The following SAMD7 variants were observed in gnomAD, a reference collection of about 807,000 sequenced individuals.
SAMD7 encodes sterile alpha motif domain containing 7, also known as sterile alpha motif domain-containing protein 7.
Under a neutral mutation model 36.7 loss-of-function variants are expected in SAMD7, and 34 were observed. The observed-to-expected ratio is 0.93, with a 90% CI of 0.71 to 1.23. The LOEUF is 1.23. Ranked by LOEUF, SAMD7 falls within the 50% of genes most tolerant of loss-of-function variation. The probability of loss-of-function intolerance (pLI) is 0.00; values close to 1 mark genes in which losing one functional copy is unlikely to be tolerated. For missense variants in SAMD7, 570 were observed against 546.6 expected (o/e 1.04, Z -0.43); for synonymous variants, 188 against 189.7 (o/e 0.99, Z 0.07).
chr3:169,924,253 A>T (rs74286675), intron 4 of SAMD7, among the ~76,000 whole-genome samples: 15,651 of 151,946 alleles, frequency 0.1, 921 homozygotes, highest in Middle Eastern at 0.18. Flanking sequence ...TTATTGGTAG[A>T]AATTTAAAGC....
At chr3:169,926,370 A>C (rs1713255606) in intron 5 of SAMD7, 183 bp from the exon 6 acceptor site, 1 of 1,205,950 alleles carries the variant, frequency 8.3e-7, no homozygotes, top group African/African-American at 1.5e-5. Context: ...TGTGAGACTC[A>C]GACAAAGCTT....
intron 4 of SAMD7, among the ~76,000 whole-genome samples, 165 bp downstream of exon 4, chr3:169,921,503 A>G (rs1381290368): frequency 6.6e-6 from 1 of 152,240 alleles, no homozygotes; most frequent in Non-Finnish European, 1.5e-5. Flanking sequence ...TGGTGCTACC[A>G]CTGTGTGACC....
chr3:169,938,335 A>C lies in SAMD7; in HGVS notation c.1170A>C (p.Gly390=), dbSNP rs747943754. Residue 390 remains glycine, a synonymous_variant, in exon 9 of 9, where the codon GGA becomes GGC. Coordinates refer to ENST00000335556, the MANE Select transcript of SAMD7 (RefSeq NM_001304366.2). ...KIQSQVSQHV[G]SMFYKKTLSF... is the part of the protein sequence containing the mutation. ...CTTAAAAGGTATCTCAGCATGTGGGAAGTATGTTCTACAAGAAAACTCTTT... is the reference window on the plus strand; with the variant it reads ...CTTAAAAGGTATCTCAGCATGTGGGCAGTATGTTCTACAAGAAAACTCTTT... 1 of 1,606,478 alleles carries C rather than the reference A, an allele frequency of 6.2e-7. No homozygotes were observed. The highest frequency in any genetic ancestry group is 8.5e-7 in the Non-Finnish European group (1 of 1,175,262).
intron 1 of SAMD7, among the ~76,000 whole-genome samples, chr3:169,913,185 C>T (rs370841852): frequency 2.0e-5 from 3 of 152,278 alleles, no homozygotes; most frequent in East Asian, 1.9e-4. Context: ...TTACCAGATA[C>T]AGCAGTTACT....
intron 7 of SAMD7, among the ~76,000 whole-genome samples, chr3:169,931,842 G>A (rs937248388): frequency 3.3e-5 from 5 of 152,052 alleles, no homozygotes; most frequent in East Asian, 3.9e-4. Flanking sequence ...GGGTAGCCAC[G>A]AGCGAGTCTA....
intron 2 of SAMD7, among the ~76,000 whole-genome samples, chr3:169,916,316 G>A (rs1712796968): frequency 6.6e-6 from 1 of 152,132 alleles, no homozygotes; most frequent in Non-Finnish European, 1.5e-5. Flanking sequence ...TTTCTTTTAT[G>A]CTAGACGAGT....
intron 2 of SAMD7, among the ~76,000 whole-genome samples, chr3:169,918,993 A>G (rs759268273): frequency 1.3e-5 from 2 of 152,120 alleles, no homozygotes; most frequent in African/African-American, 4.8e-5. Context: ...TTAAAAATAC[A>G]AAATTAGCCG....
intron 4 of SAMD7, among the ~76,000 whole-genome samples, chr3:169,924,848 A>T (rs1303788739): frequency 6.6e-6 from 1 of 152,176 alleles, no homozygotes; most frequent in East Asian, 1.9e-4. Flanking sequence ...TAAAGAACAA[A>T]AAATTATCTG....
At chr3:169,913,236 G>T (rs1352159473) in intron 1 of SAMD7, among the ~76,000 whole-genome samples, 2 of 152,098 alleles carry the variant, frequency 1.3e-5, no homozygotes, top group East Asian at 3.8e-4. Flanking sequence ...CAGAAAACAT[G>T]CATCATACAT....
chr3:169,925,269 A>G lies in SAMD7; in HGVS notation c.290+133A>G, dbSNP rs1713210963. 4 of 567,292 alleles carry G rather than the reference A, an allele frequency of 7.1e-6. No individual in the cohort carries two copies. The South Asian group carries it at 1.2e-4, about 17-fold the overall frequency. The allele number at this position is 567,292 out of a possible 1,614,324, so 35.1% of individuals were successfully genotyped here. ...ATACACACACACAAATTACTTACAT[A>G]AAGTATTTCAGGCAGATTACAAAAA... On this transcript the variant is annotated intron_variant, in intron 5 of 8. Transcript: ENST00000335556.
At chr3:169,926,463 G>A in intron 5 of SAMD7, 90 bp from the exon 6 acceptor site, 2 of 1,331,444 alleles carry the variant, frequency 1.5e-6, no homozygotes, top group South Asian at 1.4e-5. Context: ...TAAACAGTGT[G>A]AGGACTATTT....
At chr3:169,934,176 A>C (rs1194183232) in intron 7 of SAMD7, among the ~76,000 whole-genome samples, 1 of 152,208 alleles carries the variant, frequency 6.6e-6, no homozygotes, top group Non-Finnish European at 1.5e-5. Context: ...TCAGGTTTTA[A>C]GTAGGGAGCG....
rs546323117 is a variant in SAMD7 at position 169,937,179 on chromosome 3, C to T, written c.1152+730C>T. Among the ~76,000 whole-genome samples the T allele has an allele frequency of 5.9e-5, 9 of 152,284 alleles. No individual in the cohort carries two copies. In the South Asian group the frequency reaches 1.9e-3, roughly 32 times the overall value. On this transcript the variant is annotated intron_variant, in intron 8 of 8. Coordinates refer to ENST00000335556, the MANE Select transcript of SAMD7 (RefSeq NM_001304366.2). ...TAGCCAACCCCAGCACGCCACTTCTCACTACCTCCACCACTCCATCCTGGT... is the reference window on the plus strand; with the variant it reads ...TAGCCAACCCCAGCACGCCACTTCTTACTACCTCCACCACTCCATCCTGGT...
chr3:169,922,506 G>GT (rs1257478141), intron 4 of SAMD7, among the ~76,000 whole-genome samples: 4 of 152,016 alleles, frequency 2.6e-5, no homozygotes, highest in African/African-American at 9.7e-5. Flanking sequence ...TTTTGTTGTT[G>GT]TTGTTTGTTT....
At chr3:169,920,283 C>T (rs371365864) in intron 3 of SAMD7, among the ~76,000 whole-genome samples, 24 of 152,344 alleles carry the variant, frequency 1.6e-4, no homozygotes, top group African/African-American at 5.5e-4. Flanking sequence ...GATCAAGGTG[C>T]TGCAGGGTTG....
chr3:169,928,404 ACT>A, intron 6 of SAMD7, 51 bp from the exon 7 acceptor site: 1 of 1,513,178 alleles, frequency 6.6e-7, no homozygotes, highest in Non-Finnish European at 9.2e-7. Context: ...AATTAATGTA[ACT>A]ATACATAAAC....
chr3:169,933,458 C>A (rs75228686), intron 7 of SAMD7, among the ~76,000 whole-genome samples: 2,135 of 152,226 alleles, frequency 0.014, 42 homozygotes, highest in African/African-American at 0.048. Flanking sequence ...TTCTGAATTC[C>A]TCAGCAATTG....
In SAMD7 at chr3:169,927,101, AG is replaced by A; in HGVS notation, c.841del (p.Glu281ArgfsTer93). The A allele has an allele frequency of 6.3e-7, 1 of 1,592,558 alleles. No individual in the cohort carries two copies. On this transcript the variant is annotated frameshift_variant, in exon 6 of 9. Transcript: ENST00000335556. LOFTEE classifies it high-confidence loss of function. ...GCAAAGGCCTGGGACGATGGGAAAGAGGAGGCTTCGGAGCAGATTTTTGCAA... is the reference window on the plus strand; with the variant it reads ...GCAAAGGCCTGGGACGATGGGAAAGAGAGGCTTCGGAGCAGATTTTTGCAA... Reference protein sequence around the residue: ...LKAKAWDDGKEEASEQIFATC... With the variant: ...LKAKAWDDGKXEASEQIFATC...
rs190343399 is a variant in SAMD7, at chr3:169,918,227, C to T, written c.-41-1231C>T. Among the ~76,000 whole-genome samples the T allele has an allele frequency of 1.4e-4, 22 of 152,098 alleles. No homozygotes were observed. In the South Asian group the frequency reaches 1.5e-3, roughly 10 times the overall value. ...TGCTGGGATGACAGGCATGAGCCAC[C>T]GCACCTGGCCCTACGATTAGTTATT... On this transcript the variant is annotated intron_variant, in intron 2 of 8. Coordinates refer to ENST00000335556, the MANE Select transcript of SAMD7 (RefSeq NM_001304366.2).
Sources: allele counts gnomAD v4.1 joint callset (sites outside exome capture counted in the v4.1 genomes callset), GRCh38; gene constraint gnomAD v4.1.1; transcripts MANE v1.5; gene names NCBI Gene and HGNC (gene_info 2026-07-23, HGNC 2026-07-21).